The following ZFPM2 variants were observed in gnomAD, a reference collection of about 807,000 sequenced individuals.
The protein encoded by ZFPM2 is zinc finger protein, FOG family member 2.
ZFPM2 carries 20 observed loss-of-function variants against 98.6 expected under a neutral mutation model. The ratio of observed to expected loss-of-function variants is 0.20; its 90% CI spans 0.14 to 0.29. The LOEUF (loss-of-function observed/expected upper bound fraction) is 0.29, where lower values mean the gene tolerates loss of function less well. Among genes scored for constraint, ZFPM2 ranks in the 10% least tolerant of loss-of-function variants. The probability of loss-of-function intolerance (pLI) is 1.00; values close to 1 mark genes in which losing one functional copy is unlikely to be tolerated. For missense variants in ZFPM2, 1,310 were observed against 1,388.6 expected, an observed-to-expected ratio of 0.94 and a Z score of 0.90; for synonymous variants, 518 against 502.7, an observed-to-expected ratio of 1.03 and a Z score of -0.41.
chr8:105,503,470 A>T (rs1291176097), intron 3 of ZFPM2, among the ~76,000 whole-genome samples: 1 of 152,204 alleles, frequency 6.6e-6, no homozygotes, highest in Non-Finnish European at 1.5e-5. Flanking sequence ...ACATTTTGGG[A>T]AAATAGTCTA....
chr8:105,539,020 CAAACAAAACA>C (rs371558334), intron 3 of ZFPM2, among the ~76,000 whole-genome samples: 22 of 152,002 alleles, frequency 1.4e-4, no homozygotes, highest in African/African-American at 3.4e-4. Context: ...CCCAGTCTCA[CAAACAAAACA>C]AAACAAAACA....
At chr8:105,564,643 CGA>C (rs944426971) in intron 4 of ZFPM2, among the ~76,000 whole-genome samples, 1 of 151,940 alleles carries the variant, frequency 6.6e-6, no homozygotes, top group African/African-American at 2.4e-5. Context: ...ACTTCTGATT[CGA>C]GAGTCTGCTT....
intron 1 of ZFPM2, among the ~76,000 whole-genome samples, chr8:105,351,430 A>G (rs1812644046): frequency 6.6e-6 from 1 of 151,064 alleles, no homozygotes; most frequent in Non-Finnish European, 1.5e-5. Context: ...GATTGATTGA[A>G]TTCTGGGATG....
At chr8:105,499,682 T>A (rs573407926) in intron 3 of ZFPM2, among the ~76,000 whole-genome samples, 548 of 17,306 alleles carry the variant, frequency 0.032, 1 homozygote, top group Non-Finnish European at 0.037. Context: ...GAAACACTCA[T>A]TTTTTTTTCA....
In ZFPM2 at chr8:105,318,810, C is replaced by T. The variant is rs1261352820; in HGVS notation, c.-132C>T. The T allele has an allele frequency of 1.1e-5, 4 of 353,338 alleles. No individual in the cohort carries two copies. The highest frequency in any genetic ancestry group is 1.6e-5 in the Non-Finnish European group (4 of 253,378). The allele number at this position is 353,338 out of a possible 1,614,324, so 21.9% of individuals were successfully genotyped here. A position where few individuals can be genotyped will look rare whatever the true frequency, so the allele number is the denominator to read the frequency against. On this transcript the variant is annotated 5_prime_UTR_variant, in exon 1 of 8. Transcript: ENST00000407775. The stretch of plus-strand genomic sequence containing the variant: ...CCGGAGGAGCCCAGCGCCCGGAGCA[C>T]CTGGAGTCCGGCCGGCGGCGGGCCG...
intron 5 of ZFPM2, among the ~76,000 whole-genome samples, chr8:105,689,077 C>T (rs75595025): frequency 2.7e-3 from 414 of 152,198 alleles, no homozygotes; most frequent in Middle Eastern, 6.8e-3. Context: ...CTCTTATGTA[C>T]TTCCATCTCT....
intron 2 of ZFPM2, among the ~76,000 whole-genome samples, chr8:105,425,458 A>T (rs146490913): frequency 2.0e-5 from 3 of 152,282 alleles, no homozygotes; most frequent in East Asian, 3.9e-4. Flanking sequence ...GTGTCTGAGG[A>T]TGATATGAGT....
In ZFPM2 at chr8:105,803,231, A is replaced by C; in HGVS notation, c.3149A>C (p.Gln1050Pro). The C allele has an allele frequency of 6.2e-7, 1 of 1,609,326 alleles. No individual in the cohort carries two copies. ...GTAATAGTGAATGGTGGACTGAAAC[A>C]AGATGAGAGACCTGCTGCCAACCCA... is the stretch of plus-strand genomic sequence containing the variant. ...GMVIVNGGLK[Q>P]DERPAANPQQ... The change falls in exon 8 of 8, where the codon CAA (glutamine) becomes CCA (proline). Residue 1050 changes from glutamine to proline, a missense_variant. Coordinates refer to ENST00000407775, the MANE Select transcript of ZFPM2 (RefSeq NM_012082.4).
At chr8:105,757,772 T>C (rs1563551275) in intron 5 of ZFPM2, among the ~76,000 whole-genome samples, 1 of 152,174 alleles carries the variant, frequency 6.6e-6, no homozygotes, top group East Asian at 1.9e-4. Context: ...CCTCCTTTGA[T>C]TCTCCTCCTC....
chr8:105,726,417 A>G (rs1811806272), intron 5 of ZFPM2, among the ~76,000 whole-genome samples: 1 of 151,846 alleles, frequency 6.6e-6, no homozygotes, highest in African/African-American at 2.4e-5. Context: ...AAAGGGAATT[A>G]GTATTTGTAC....
intron 4 of ZFPM2, among the ~76,000 whole-genome samples, chr8:105,592,444 C>T (rs1815870503): frequency 1.3e-5 from 2 of 152,070 alleles, no homozygotes; most frequent in South Asian, 4.2e-4. Context: ...ATTTGAAATA[C>T]ATTTTTCCAG....
intron 3 of ZFPM2, among the ~76,000 whole-genome samples, chr8:105,483,685 A>G (rs1369148245): frequency 1.3e-5 from 2 of 151,632 alleles, no homozygotes; most frequent in East Asian, 3.8e-4. Context: ...GCTGCTGGAA[A>G]GATTGTCAGA....
chr8:105,344,634 GTCTATT>G (rs1812483346), intron 1 of ZFPM2, among the ~76,000 whole-genome samples: 1 of 151,894 alleles, frequency 6.6e-6, no homozygotes, highest in South Asian at 2.1e-4. Flanking sequence ...CAATACCTGG[GTCTATT>G]TCTGTGTGCC....
chr8:105,591,946 T>G (rs1296988508), intron 4 of ZFPM2, among the ~76,000 whole-genome samples: 1 of 152,184 alleles, frequency 6.6e-6, no homozygotes, highest in Admixed American at 6.6e-5. Flanking sequence ...TTTTGTTTGT[T>G]AATTGTGTAA....
chr8:105,510,265 G>A lies in ZFPM2; in HGVS notation c.302-51098G>A, dbSNP rs189000248. Among the ~76,000 whole-genome samples, 380 of 152,192 alleles carry A rather than the reference G, an allele frequency of 2.5e-3. 1 individual carries two copies. Among genetic ancestry groups the A allele is most frequent in the Non-Finnish European group, 4.8e-3 (329 of 68,016 alleles). On this transcript the variant is annotated intron_variant, in intron 3 of 7. Transcript: ENST00000407775. ...ACCTCACTCCCTATATGAACTCTGG[G>A]ATTAAAATAGTTTTTGAACAATTTA...
chr8:105,522,434 C>T (rs1356347248), intron 3 of ZFPM2, among the ~76,000 whole-genome samples: 2 of 152,132 alleles, frequency 1.3e-5, no homozygotes, highest in East Asian at 3.9e-4. Flanking sequence ...ATTTATAAAT[C>T]AGCAGAGTTT....
chr8:105,457,543 A>G (rs1380996925), intron 3 of ZFPM2, among the ~76,000 whole-genome samples: 1 of 152,244 alleles, frequency 6.6e-6, no homozygotes, highest in Non-Finnish European at 1.5e-5. Context: ...TGATAGAGGC[A>G]TTCACAGTGT....
intron 7 of ZFPM2, among the ~76,000 whole-genome samples, chr8:105,799,779 A>AGGTG (rs1813946949): frequency 6.6e-6 from 1 of 152,212 alleles, no homozygotes; most frequent in Non-Finnish European, 1.5e-5. Context: ...CACCTATAAT[A>AGGTG]CAAACCTTGT....
At chr8:105,647,944 A>G (rs889903551) in intron 5 of ZFPM2, among the ~76,000 whole-genome samples, 3 of 152,130 alleles carry the variant, frequency 2.0e-5, no homozygotes, top group African/African-American at 7.2e-5. Context: ...ATCCTTGAGG[A>G]ATCACCACAC....
Sources: gnomAD v4.1 joint callset for allele counts (sites outside exome capture counted in the v4.1 genomes callset) on GRCh38, gnomAD v4.1.1 for gene constraint, MANE v1.5 for transcripts, NCBI Gene and HGNC (gene_info 2026-07-23, HGNC 2026-07-21) for gene names.